The following TNR variants were observed in gnomAD, a reference collection of about 807,000 sequenced individuals.
The protein encoded by TNR is tenascin R.
In TNR, 45 loss-of-function variants were observed where a neutral mutation model predicts 150.4. The ratio of observed to expected loss-of-function variants is 0.30; its 90% confidence interval spans 0.24 to 0.38. The LOEUF (loss-of-function observed/expected upper bound fraction) is 0.38. Among genes scored for constraint, TNR ranks in the 10% least tolerant of loss-of-function variants. TNR has a pLI of 1.00. For missense variants in TNR, 1,544 were observed against 1,759.1 expected, an observed-to-expected ratio of 0.88 and a Z score of 2.19; for synonymous variants, 687 against 678.4, an observed-to-expected ratio of 1.01 and a Z score of -0.20.
intron 1 of TNR, among the ~76,000 whole-genome samples, chr1:175,534,684 A>G (rs540910201): frequency 1.8e-4 from 27 of 152,310 alleles, no homozygotes; most frequent in South Asian, 1.7e-3. Context: ...CTGGTACTAG[A>G]GGGGCTGCAG....
chr1:175,548,360 T>C (rs1358042252), intron 1 of TNR, among the ~76,000 whole-genome samples: 1 of 152,102 alleles, frequency 6.6e-6, no homozygotes, highest in Non-Finnish European at 1.5e-5. Flanking sequence ...CATGCCCTGC[T>C]GCTACTCTAT....
intron 1 of TNR, among the ~76,000 whole-genome samples, chr1:175,550,472 A>G (rs1248467941): frequency 6.6e-6 from 1 of 152,112 alleles, no homozygotes; most frequent in Non-Finnish European, 1.5e-5. Context: ...AGGCCCCTAT[A>G]CTGAGCCATG....
Position 175,318,446 on chromosome 1 carries a change from T to C in TNR, c.*4911A>G, listed in dbSNP as rs539479042. On this transcript the variant is annotated 3_prime_UTR_variant, in exon 23 of 23. Transcript: ENST00000367674. ...AAGAACCAGAGACATTTTTTCAAAT[T>C]GGACCTGAATCTACACCAATACATC... The C allele has an allele frequency of 6.6e-6, 1 of 151,118 alleles. No homozygotes were observed. The highest frequency in any genetic ancestry group is 2.1e-4 in the South Asian group (1 of 4,728). 9.4% of individuals were successfully genotyped at this position (151,118 alleles called of 1,614,324 possible).
chr1:175,622,835 G>A (rs962979931), intron 1 of TNR, among the ~76,000 whole-genome samples: 3 of 152,218 alleles, frequency 2.0e-5, no homozygotes, highest in Admixed American at 1.3e-4. Context: ...GGTGATTTAT[G>A]GGCACTCTCT....
At chr1:175,559,021 G>A (rs1447598946) in intron 1 of TNR, among the ~76,000 whole-genome samples, 1 of 152,192 alleles carries the variant, frequency 6.6e-6, no homozygotes, top group Non-Finnish European at 1.5e-5. Flanking sequence ...TGTTGGGGTA[G>A]GGACACATGG....
chr1:175,454,917 C>T (rs1656499322), intron 2 of TNR, among the ~76,000 whole-genome samples: 1 of 152,184 alleles, frequency 6.6e-6, no homozygotes, highest in African/African-American at 2.4e-5. Context: ...TAGGTGGGGT[C>T]TATATCCCTT....
chr1:175,588,103 G>A (rs1315038718), intron 1 of TNR, among the ~76,000 whole-genome samples: 1 of 152,226 alleles, frequency 6.6e-6, no homozygotes, highest in Non-Finnish European at 1.5e-5. Flanking sequence ...AGTTGGATAT[G>A]ACCAAAGGTG....
chr1:175,450,236 G>T (rs946792804), intron 2 of TNR, among the ~76,000 whole-genome samples: 2 of 152,214 alleles, frequency 1.3e-5, no homozygotes, highest in Non-Finnish European at 2.9e-5. Flanking sequence ...TGCCAGGAAA[G>T]ATTCATGGTC....
chr1:175,551,818 T>A (rs1032073112), intron 1 of TNR, among the ~76,000 whole-genome samples: 1 of 152,158 alleles, frequency 6.6e-6, no homozygotes, highest in East Asian at 1.9e-4. Context: ...ACTTAAACAA[T>A]GATTGTAATT....
At chr1:175,657,212 A>G (rs1344231430) in intron 1 of TNR, among the ~76,000 whole-genome samples, 3 of 152,228 alleles carry the variant, frequency 2.0e-5, no homozygotes, top group East Asian at 3.8e-4. Flanking sequence ...AATCAAAACC[A>G]TAATGAGATA....
intron 1 of TNR, among the ~76,000 whole-genome samples, chr1:175,711,160 C>T (rs903470563): frequency 2.0e-5 from 3 of 152,040 alleles, no homozygotes; most frequent in African/African-American, 7.2e-5. Flanking sequence ...ATATACTATG[C>T]CAGAGGGTGA....
At chr1:175,704,490 C>A (rs1002765881) in intron 1 of TNR, among the ~76,000 whole-genome samples, 2 of 152,128 alleles carry the variant, frequency 1.3e-5, no homozygotes, top group African/African-American at 4.8e-5. Context: ...GGTAGATATT[C>A]TGTGTGAAGT....
rs1649081582 is a variant in TNR, at chr1:175,322,038, C to T, written c.*1319G>A. ...GGTTTGCAATTCAGAAAAAAAGAAT[C>T]TGTGACAAATAGGACCAGAAATGGA... On this transcript the variant is annotated 3_prime_UTR_variant, in exon 23 of 23. Coordinates refer to ENST00000367674, the MANE Select transcript of TNR (RefSeq NM_003285.3). 1 of 152,204 alleles carries T rather than the reference C, an allele frequency of 6.6e-6. No homozygotes were observed. Among genetic ancestry groups the T allele is most frequent in the South Asian group, 2.1e-4 (1 of 4,830 alleles). The allele number at this position is 152,204 out of a possible 1,614,324, so 9.4% of individuals were successfully genotyped here. A position where few individuals can be genotyped will look rare whatever the true frequency, so the allele number is the denominator to read the frequency against.
chr1:175,373,139 G>T (rs192009131), intron 9 of TNR, among the ~76,000 whole-genome samples: 2 of 152,162 alleles, frequency 1.3e-5, no homozygotes, highest in Admixed American at 6.5e-5. Flanking sequence ...ACTCCGAAGA[G>T]AGGATATCTG....
intron 1 of TNR, among the ~76,000 whole-genome samples, chr1:175,642,144 G>A (rs1664683578): frequency 6.6e-6 from 1 of 152,128 alleles, no homozygotes; most frequent in African/African-American, 2.4e-5. Flanking sequence ...ACAACCAGAA[G>A]GGAAGATTTG....
chr1:175,461,500 C>T (rs1207104697), intron 2 of TNR, among the ~76,000 whole-genome samples: 1 of 152,120 alleles, frequency 6.6e-6, no homozygotes, highest in Admixed American at 6.6e-5. Flanking sequence ...TTATCGGGGC[C>T]CTTTCTTAGT....
intron 2 of TNR, among the ~76,000 whole-genome samples, chr1:175,462,086 G>T (rs1293258488): frequency 6.6e-6 from 1 of 152,198 alleles, no homozygotes; most frequent in Non-Finnish European, 1.5e-5. Flanking sequence ...GACCTAAAAT[G>T]CAATAGCTGT....
chr1:175,598,673 A>G (rs1663106986), intron 1 of TNR, among the ~76,000 whole-genome samples: 1 of 152,264 alleles, frequency 6.6e-6, no homozygotes, highest in Admixed American at 6.5e-5. Flanking sequence ...AGGTACATTT[A>G]GGAGAAGTAT....
chr1:175,603,551 T>G (rs1202478807), intron 1 of TNR, among the ~76,000 whole-genome samples: 4 of 152,216 alleles, frequency 2.6e-5, no homozygotes, highest in Non-Finnish European at 5.9e-5. Flanking sequence ...AAATGATGCT[T>G]TGATGAATTC....
Sources: allele counts gnomAD v4.1 joint callset (sites outside exome capture counted in the v4.1 genomes callset), GRCh38; gene constraint gnomAD v4.1.1; transcripts MANE v1.5; gene names NCBI Gene and HGNC (gene_info 2026-07-23, HGNC 2026-07-21).